The following CCDC88A variants were observed in gnomAD, a reference collection of about 807,000 sequenced individuals.
CCDC88A encodes the protein coiled-coil and HOOK domain protein 88A.
A neutral mutation model predicts 234.3 loss-of-function variants in CCDC88A; 54 were observed. The observed-to-expected ratio is 0.23, with a 90% CI of 0.19 to 0.29. CCDC88A has a LOEUF of 0.29. Ranked by LOEUF, CCDC88A falls within the 10% of genes least tolerant of loss-of-function variation. CCDC88A has a pLI of 1.00. For missense variants in CCDC88A, 1,832 were observed against 2,123.4 expected (o/e 0.86, Z 2.70); for synonymous variants, 753 against 737.8 (o/e 1.02, Z -0.33).
chr2:55,329,193 T>C (rs1346585578), intron 16 of CCDC88A: 1 of 152,236 alleles, frequency 6.6e-6, no homozygotes, highest in Admixed American at 6.5e-5. Context: ...ATTGCAATTA[T>C]CTTTCTGAAT....
chr2:55,375,678 C>T (rs1186260787), intron 3 of CCDC88A, among the ~76,000 whole-genome samples: 4 of 151,502 alleles, frequency 2.6e-5, no homozygotes, highest in Admixed American at 1.3e-4. Flanking sequence ...GAGGCGCCTA[C>T]CACGATGCCT....
rs765589075 is a variant in CCDC88A, at chr2:55,308,840, A to G, written c.4356T>C (p.Asp1452=). ...SSSVGSNSLE[D]GQTLGTKKSS... The stretch of plus-strand genomic sequence containing the variant: ...TTTTCTTGGTCCCCAAGGTCTGGCC[A>G]TCTTCTAAAGAGTTTGAACCTACTG... The change falls in exon 25 of 33, where the codon GAT becomes GAC. Residue 1452 remains aspartate, a synonymous_variant. Transcript: ENST00000436346. 1.2e-6 allele frequency: 2 copies of G among 1,614,148 alleles called. No individual in the cohort carries two copies. The highest frequency in any genetic ancestry group is 1.1e-5 in the South Asian group (1 of 91,090).
At chr2:55,355,988 A>T in intron 7 of CCDC88A, 2 of 264,536 alleles carry the variant, frequency 7.6e-6, no homozygotes, top group Admixed American at 5.0e-5. Context: ...CTAGTTTTTT[A>T]TTTATTTATT....
At chr2:55,417,336 A>G (rs938397389) in intron 2 of CCDC88A, 52 of 152,214 alleles carry the variant, frequency 3.4e-4, no homozygotes, top group African/African-American at 1.2e-3. Context: ...TAAGCACAAT[A>G]AAGAGACACA....
intron 25 of CCDC88A, among the ~76,000 whole-genome samples, chr2:55,307,359 ATT>A (rs58399854): frequency 3.1e-4 from 43 of 140,470 alleles, no homozygotes; most frequent in African/African-American, 6.9e-4. Flanking sequence ...TCTTCACCTA[ATT>A]TTTTTTTTTT....
At chr2:55,371,858 A>G (rs1014797716) in intron 5 of CCDC88A, among the ~76,000 whole-genome samples, 2 of 152,036 alleles carry the variant, frequency 1.3e-5, no homozygotes, top group African/African-American at 4.8e-5. Flanking sequence ...CTTAAATATT[A>G]CCCTACCCAA....
chr2:55,295,530 C>A (rs960360589), intron 31 of CCDC88A, 67 bp downstream of exon 31: 1 of 1,613,518 alleles, frequency 6.2e-7, no homozygotes, highest in Non-Finnish European at 8.5e-7. Context: ...ATTTTGGGCA[C>A]AAGAACCTAT....
At position 55,302,987 on chromosome 2, in the gene CCDC88A, G is replaced by A. The variant is rs184414679; in HGVS notation, c.4471+82C>T. The A allele has an allele frequency of 1.1e-5, 10 of 904,652 alleles. No individual in the cohort carries two copies. The African/African-American group carries it at 1.3e-4, about 12-fold the overall frequency. The allele number at this position is 904,652 out of a possible 1,614,324, so 56.0% of individuals were successfully genotyped here. Reference sequence around the variant, plus strand: ...TCTGCAAAATAAGGAAATTGGCACAGTCCAGAGAAAGGTTAGTGAAAAATT... The same window carrying A: ...TCTGCAAAATAAGGAAATTGGCACAATCCAGAGAAAGGTTAGTGAAAAATT... On this transcript the variant is annotated intron_variant, in intron 26 of 32. Transcript: ENST00000436346.
At position 55,322,554 on chromosome 2, in the gene CCDC88A, C is replaced by A; in HGVS notation, c.3136G>T (p.Asp1046Tyr). 6.2e-7 allele frequency: 1 copy of A among 1,600,880 alleles called. No homozygotes were observed. The highest frequency in any genetic ancestry group is 1.7e-5 in the Admixed American group (1 of 58,494). The change falls in exon 18 of 33, where the codon GAC (aspartate) becomes TAC (tyrosine). Residue 1046 changes from aspartate (D) to tyrosine (Y), a missense_variant. Asp to Tyr is a radical substitution (Grantham distance 160). Transcript: ENST00000436346. ...ETTRELLKVK[D>Y]RLIEVERNNA... Reference sequence around the variant, plus strand: ...TTTCTTTCTACTTCAATTAATCTGTCTTTAACTTTCAGAAGTTCTCTAGTC... The same window carrying A: ...TTTCTTTCTACTTCAATTAATCTGTATTTAACTTTCAGAAGTTCTCTAGTC...
In CCDC88A at chr2:55,412,904, T is replaced by C. The variant is rs368996219; in HGVS notation, c.164+5912A>G. ...ATAGAGGTGACACTAACAGAGATCA[T>C]ACAAAACTAAGCTGTCGGCCAGGCG... On this transcript the variant is annotated intron_variant, in intron 2 of 32. Coordinates refer to ENST00000436346, the MANE Select transcript of CCDC88A (RefSeq NM_001365480.1). Among the ~76,000 whole-genome samples the C allele has an allele frequency of 2.6e-5, 4 of 152,270 alleles. No individual in the cohort carries two copies. In the East Asian group the frequency reaches 7.7e-4, roughly 29 times the overall value.
chr2:55,317,561 T>C lies in CCDC88A; in HGVS notation c.3602+3A>G. 1 of 1,533,712 alleles carries C rather than the reference T, an allele frequency of 6.5e-7. No homozygotes were observed. The highest frequency in any genetic ancestry group is 1.4e-5 in the African/African-American group (1 of 72,316). On this transcript the variant is annotated splice_donor_region_variant and intron_variant, in intron 20 of 32. Coordinates refer to ENST00000436346, the MANE Select transcript of CCDC88A (RefSeq NM_001365480.1). This position sits in a 1 kb window ranked among gnomAD's most constrained non-coding sequence, Gnocchi z 4.2. ...CACAGTACAACAAAATATAATAAATTACCGGTCTTCAAGGTCTCTATGTTC... is the reference window on the plus strand; with the variant it reads ...CACAGTACAACAAAATATAATAAATCACCGGTCTTCAAGGTCTCTATGTTC...
intron 2 of CCDC88A, among the ~76,000 whole-genome samples, chr2:55,399,460 G>A (rs1469168630): frequency 1.3e-5 from 2 of 150,588 alleles, no homozygotes; most frequent in African/African-American, 2.4e-5. Context: ...CTGGGAGGCG[G>A]AGGTTGCAGT....
Position 55,344,523 on chromosome 2 carries a change from G to A in CCDC88A, c.1042-9C>T, listed in dbSNP as rs1390103120. ...TTGTCTTCTTTTAATTCCTATAAAT[G>A]TTTATCACAAATGTGTTAATATCTG... On this transcript the variant is annotated splice_polypyrimidine_tract_variant and intron_variant, in intron 10 of 32. Transcript: ENST00000436346. The A allele has an allele frequency of 6.9e-7, 1 of 1,442,812 alleles. No homozygotes were observed. Among genetic ancestry groups the A allele is most frequent in the East Asian group, 2.3e-5 (1 of 42,642 alleles). 89.4% of individuals were successfully genotyped at this position (1,442,812 alleles called of 1,614,324 possible).
At chr2:55,395,394 C>T (rs1677357656) in intron 2 of CCDC88A, among the ~76,000 whole-genome samples, 2 of 152,308 alleles carry the variant, frequency 1.3e-5, no homozygotes, top group South Asian at 4.1e-4. Context: ...TCTCTCAGCT[C>T]CACTCTATGG....
intron 17 of CCDC88A, chr2:55,323,461 T>G (rs893010653): frequency 6.6e-6 from 1 of 152,196 alleles, no homozygotes; most frequent in Non-Finnish European, 1.5e-5. Flanking sequence ...GAGGTGAGAC[T>G]AAAAAGATGC....
intron 3 of CCDC88A, among the ~76,000 whole-genome samples, chr2:55,378,876 G>C (rs1056162728): frequency 6.6e-6 from 1 of 151,678 alleles, no homozygotes; most frequent in Non-Finnish European, 1.5e-5. Flanking sequence ...CTCCCAAATC[G>C]CTGGAATTAC....
chr2:55,366,535 A>G (rs1671981925), intron 5 of CCDC88A, among the ~76,000 whole-genome samples: 1 of 26,578 alleles, frequency 3.8e-5, no homozygotes, highest in Admixed American at 3.0e-4. Flanking sequence ...ACACACACAT[A>G]CACACACACA....
intron 17 of CCDC88A, chr2:55,324,324 T>C (rs1683998906): frequency 6.6e-6 from 1 of 152,216 alleles, no homozygotes; most frequent in Non-Finnish European, 1.5e-5. Context: ...AACACCTATA[T>C]AACCCATATA....
intron 2 of CCDC88A, among the ~76,000 whole-genome samples, chr2:55,391,345 G>A (rs1214383374): frequency 8.1e-6 from 1 of 122,726 alleles, no homozygotes; most frequent in Admixed American, 9.5e-5. Flanking sequence ...AAAAGGACAA[G>A]GTCCAGACAC....
Sources: gnomAD v4.1 joint callset for allele counts (sites outside exome capture counted in the v4.1 genomes callset) on GRCh38, gnomAD v4.1.1 for gene constraint, Gnocchi (gnomAD v3.1) non-coding constraint, MANE v1.5 for transcripts, NCBI Gene and HGNC (gene_info 2026-07-23, HGNC 2026-07-21) for gene names.